Variants in MYO7B observed in about 807,000 individuals in gnomAD.
MYO7B encodes the protein myosin VIIB, also known as unconventional myosin-VIIb.
In MYO7B, 212 loss-of-function variants were observed where a neutral mutation model predicts 259.7. The ratio of observed to expected loss-of-function variants is 0.82; its 90% CI spans 0.73 to 0.91. The LOEUF (loss-of-function observed/expected upper bound fraction) is 0.91, where lower values mean the gene tolerates loss of function less well. MYO7B is among the 40% of genes least tolerant of loss of function. The pLI, the probability that MYO7B is intolerant of heterozygous loss-of-function variation, is 0.00. For missense variants in MYO7B, 2,732 were observed against 2,813.5 expected, an observed-to-expected ratio of 0.97 and a Z score of 0.66; for synonymous variants, 1,197 against 1,166.4, an observed-to-expected ratio of 1.03 and a Z score of -0.54.
At chr2:127,631,133 G>A (rs888266042) in intron 36 of MYO7B, 73 bp from the exon 37 acceptor site, 31 of 1,481,918 alleles carry the variant, frequency 2.1e-5, no homozygotes, top group Non-Finnish European at 2.6e-5. Context: ...CCACTCAGGG[G>A]TGTCAGAGGA....
intron 18 of MYO7B, 114 bp downstream of exon 18, chr2:127,593,758 C>T (rs1679660884): frequency 2.1e-6 from 2 of 950,184 alleles, no homozygotes; most frequent in Non-Finnish European, 3.3e-6. Flanking sequence ...TGACACTGGG[C>T]AGCAGCTCAA....
At chr2:127,557,445 A>G (rs1677879807) in intron 1 of MYO7B, among the ~76,000 whole-genome samples, 1 of 152,024 alleles carries the variant, frequency 6.6e-6, no homozygotes. Flanking sequence ...CTGGTGAGCT[A>G]GTGTGATTTT....
intron 35 of MYO7B, 147 bp downstream of exon 35, chr2:127,629,973 C>T: frequency 2.4e-6 from 2 of 838,802 alleles, no homozygotes; most frequent in South Asian, 6.2e-5. Context: ...CCCACCATTC[C>T]TGCGGCAAGG....
chr2:127,626,709 G>A (rs1419677043), intron 31 of MYO7B: 1 of 339,542 alleles, frequency 2.9e-6, no homozygotes, highest in Non-Finnish European at 5.5e-6. Flanking sequence ...AACTCGGGAG[G>A]CGGAGCTTGC....
intron 47 of MYO7B, 132 bp from the exon 48 acceptor site, chr2:127,637,184 G>T (rs577115892): frequency 1.1e-6 from 1 of 895,498 alleles, no homozygotes; most frequent in South Asian, 1.4e-5. Context: ...CGGCCCCAAT[G>T]GCAGGAGCCC....
rs777960257 is a variant in MYO7B, at chr2:127,569,709, T to C, written c.471-80T>C. The C allele has an allele frequency of 3.3e-6, 5 of 1,516,358 alleles. No individual in the cohort carries two copies. The African/African-American group carries it at 6.9e-5, about 21-fold the overall frequency. The allele number at this position is 1,516,358 out of a possible 1,614,324, so 93.9% of individuals were successfully genotyped here. ...GTCAGACTGGCTCAGAAAGCAGGAC[T>C]GGGGTTTGCAGGAGAGTTGAGAGGT... is the stretch of plus-strand genomic sequence containing the variant. On this transcript the variant is annotated intron_variant, in intron 5 of 47. Coordinates refer to ENST00000409816, the MANE Select transcript of MYO7B (RefSeq NM_001393586.1).
rs1679524739 is a variant in MYO7B, at chr2:127,590,713, C to A, written c.1992+484C>A. On this transcript the variant is annotated intron_variant, in intron 16 of 47. Transcript: ENST00000409816. This position sits in a 1 kb window ranked among gnomAD's most constrained non-coding sequence, Gnocchi z 4.6. ...TGTGAGACGGTGAGGGGGTGAGAGC[C>A]CACACTCCCTGCCCACAACGGAGTC... Among the ~76,000 whole-genome samples the A allele has an allele frequency of 6.6e-6, 1 of 152,186 alleles. No homozygotes were observed. The highest frequency in any genetic ancestry group is 6.5e-5 in the Admixed American group (1 of 15,284).
At chr2:127,604,355 A>G (rs899491321) in intron 19 of MYO7B, among the ~76,000 whole-genome samples, 1 of 152,190 alleles carries the variant, frequency 6.6e-6, no homozygotes, top group African/African-American at 2.4e-5. Context: ...CCTTCACAGA[A>G]TTGAAGAGAA....
chr2:127,538,074 G>A (rs371030859), intron 1 of MYO7B, among the ~76,000 whole-genome samples: 10 of 152,166 alleles, frequency 6.6e-5, no homozygotes, highest in African/African-American at 2.4e-4. Flanking sequence ...GTCAGAGGAG[G>A]CGGTCCTGGG....
At chr2:127,617,777 C>G in intron 26 of MYO7B, among the ~76,000 whole-genome samples, 1 of 151,800 alleles carries the variant, frequency 6.6e-6, no homozygotes, top group Non-Finnish European at 1.5e-5. Context: ...GCTGGGATTA[C>G]AGGCGTGAGC....
rs1324514597 is a variant in MYO7B at position 127,631,732 on chromosome 2, A to G, written c.5228A>G (p.Gln1743Arg). ...QDEVYCQILK[Q>R]LTHNSNRHSE... ...GAGGTCTACTGCCAGATCCTGAAGC[A>G]GCTGACGCACAACTCCAACAGGTCT... The change falls in exon 38 of 48, where the codon CAG becomes CGG. Residue 1743 changes from glutamine (Q) to arginine (R), a missense_variant. Gln to Arg is a conservative substitution (Grantham distance 43). Transcript: ENST00000409816. 5.0e-6 allele frequency: 8 copies of G among 1,612,690 alleles called. No individual in the cohort carries two copies. Among genetic ancestry groups the G allele is most frequent in the South Asian group, 2.2e-5 (2 of 91,066 alleles).
chr2:127,588,781 TGGTG>T (rs1679409004), intron 15 of MYO7B, among the ~76,000 whole-genome samples: 1 of 28,090 alleles, frequency 3.6e-5, no homozygotes, highest in Non-Finnish European at 6.9e-5. Flanking sequence ...GATGGATGGG[TGGTG>T]GGTGGGTGGA....
chr2:127,620,186 G>A, intron 26 of MYO7B, 154 bp from the exon 27 acceptor site: 2 of 824,150 alleles, frequency 2.4e-6, no homozygotes, highest in Non-Finnish European at 3.8e-6. Context: ...GCACTGTCCT[G>A]AGAGAGGAGG....
chr2:127,555,172 C>G (rs1199761801), intron 1 of MYO7B, among the ~76,000 whole-genome samples: 1 of 152,072 alleles, frequency 6.6e-6, no homozygotes, highest in Non-Finnish European at 1.5e-5. Context: ...TGGTCTTGAA[C>G]CCCTGACCTC....
chr2:127,634,095 G>A (rs1353164804), intron 40 of MYO7B, 81 bp from the exon 41 acceptor site: 3 of 1,147,436 alleles, frequency 2.6e-6, no homozygotes, highest in Non-Finnish European at 3.7e-6. Flanking sequence ...AGGAGCAAAA[G>A]TGCCAGGCTA....
At chr2:127,596,379 C>A in intron 18 of MYO7B, 83 bp from the exon 19 acceptor site, 2 of 1,145,662 alleles carry the variant, frequency 1.7e-6, no homozygotes, top group Non-Finnish European at 2.6e-6. Flanking sequence ...GAGATGCTAC[C>A]TTCGGGAGAC....
At chr2:127,561,329 G>A (rs1678078465) in intron 2 of MYO7B, among the ~76,000 whole-genome samples, 1 of 151,814 alleles carries the variant, frequency 6.6e-6, no homozygotes, top group African/African-American at 2.4e-5. Flanking sequence ...CGCAATCTCG[G>A]CTCACTGCAA....
intron 1 of MYO7B, among the ~76,000 whole-genome samples, chr2:127,536,167 C>T (rs1005566723): frequency 2.0e-5 from 3 of 152,178 alleles, no homozygotes; most frequent in Admixed American, 6.5e-5. Context: ...GAGGGCCTCA[C>T]TGTGGAATCA....
intron 26 of MYO7B, among the ~76,000 whole-genome samples, chr2:127,618,055 CTCTATT>C (rs1371056717): frequency 1.3e-5 from 2 of 152,112 alleles, no homozygotes; most frequent in South Asian, 4.2e-4. Flanking sequence ...CTCTATTTGT[CTCTATT>C]TCTATTTATC....
Sources: gnomAD v4.1 joint callset for allele counts (sites outside exome capture counted in the v4.1 genomes callset) on GRCh38, gnomAD v4.1.1 for gene constraint, Gnocchi (gnomAD v3.1) non-coding constraint, MANE v1.5 for transcripts, NCBI Gene and HGNC (gene_info 2026-07-23, HGNC 2026-07-21) for gene names.